SOX6: variants seen among roughly 807,000 people sequenced by gnomAD.
SOX6 encodes the protein transcription factor SOX-6.
In SOX6, 11 loss-of-function variants were observed where a neutral mutation model predicts 97.8. The ratio of observed to expected loss-of-function variants is 0.11; its 90% CI spans 0.07 to 0.19. The LOEUF (loss-of-function observed/expected upper bound fraction) is 0.19, where lower values mean the gene tolerates loss of function less well. Among genes scored for constraint, SOX6 ranks in the 10% least tolerant of loss-of-function variants. The pLI is 1.00. For synonymous variants in SOX6, 360 were observed against 371.4 expected, an observed-to-expected ratio of 0.97 and a Z score of 0.35; for missense variants, 810 against 1,039.5, an observed-to-expected ratio of 0.78 and a Z score of 3.04.
rs1849715639 is a variant in SOX6 at position 16,130,569 on chromosome 11, T to C, written c.778-18646A>G. 2.0e-5 allele frequency among the ~76,000 whole-genome samples: 3 copies of C among 151,940 alleles called. No homozygotes were observed. In the South Asian group the frequency reaches 6.2e-4, roughly 31 times the overall value. ...CTCAATAGTGTTAAGACAGCAAGTCTCCTCAAACTGATTTATAGATTCAAC... is the reference window on the plus strand; with the variant it reads ...CTCAATAGTGTTAAGACAGCAAGTCCCCTCAAACTGATTTATAGATTCAAC... On this transcript the variant is annotated intron_variant, in intron 6 of 15. Coordinates refer to ENST00000683767, the MANE Select transcript of SOX6 (RefSeq NM_001367873.1).
At chr11:16,152,341 A>G (rs943334435) in intron 6 of SOX6, among the ~76,000 whole-genome samples, 1 of 152,136 alleles carries the variant, frequency 6.6e-6, no homozygotes, top group Non-Finnish European at 1.5e-5. Context: ...CCACCCACAG[A>G]CAGCTCTGTT....
At position 16,732,738 on chromosome 11, in the gene SOX6, G is replaced by C. The variant is rs545743660; in HGVS notation, n.353+3601C>G. Among the ~76,000 whole-genome samples, 3 of 152,178 alleles carry C rather than the reference G, an allele frequency of 2.0e-5. No individual in the cohort carries two copies. The East Asian group carries it at 5.8e-4, about 29-fold the overall frequency. On this transcript the variant is annotated intron_variant and non_coding_transcript_variant, in intron 2 of 5. Transcript: ENST00000524520. ...CAACAAAAGCCAAAACTGACAAATA[G>C]GATCTAATTAAACTAAAGAGCTTCT...
chr11:16,393,780 G>A (rs1193555785), intron 1 of SOX6, among the ~76,000 whole-genome samples: 1 of 151,992 alleles, frequency 6.6e-6, no homozygotes, highest in Non-Finnish European at 1.5e-5. Flanking sequence ...CCATATGCTG[G>A]AAATTGTTAA....
intron 3 of SOX6, among the ~76,000 whole-genome samples, chr11:16,696,067 A>G (rs1848051443): frequency 6.6e-6 from 1 of 152,194 alleles, no homozygotes; most frequent in Non-Finnish European, 1.5e-5. Context: ...CTACAAAGCC[A>G]TTTAGTTGTA....
intron 4 of SOX6, among the ~76,000 whole-genome samples, chr11:16,571,924 A>G (rs1049428140): frequency 1.3e-5 from 2 of 152,228 alleles, no homozygotes; most frequent in African/African-American, 4.8e-5. Flanking sequence ...AAGTGCTGGG[A>G]TTACAGGCGT....
At chr11:16,035,054 C>T (rs371829888) in intron 12 of SOX6, among the ~76,000 whole-genome samples, 3 of 152,168 alleles carry the variant, frequency 2.0e-5, no homozygotes, top group Non-Finnish European at 4.4e-5. Flanking sequence ...GATTTATACC[C>T]ACAATGAGAA....
intron 4 of SOX6, among the ~76,000 whole-genome samples, chr11:16,191,756 C>T (rs1851636458): frequency 6.6e-6 from 1 of 152,154 alleles, no homozygotes; most frequent in South Asian, 2.1e-4. Context: ...GTCAGCATGC[C>T]TTTTATCCAA....
At chr11:16,496,090 T>C (rs1860590723) in intron 4 of SOX6, among the ~76,000 whole-genome samples, 1 of 152,168 alleles carries the variant, frequency 6.6e-6, no homozygotes. Flanking sequence ...AAGAGTCCTC[T>C]GCTATAAATG....
chr11:16,319,059 A>T (rs990928090), intron 2 of SOX6, among the ~76,000 whole-genome samples: 2 of 152,072 alleles, frequency 1.3e-5, no homozygotes, highest in Non-Finnish European at 2.9e-5. Context: ...TAGTATCAAC[A>T]CTCTTCCCAC....
At chr11:16,323,709 A>C (rs528614646) in intron 2 of SOX6, among the ~76,000 whole-genome samples, 1 of 152,154 alleles carries the variant, frequency 6.6e-6, no homozygotes, top group Non-Finnish European at 1.5e-5. Flanking sequence ...TTTAGCATTT[A>C]ATAATATACT....
intron 9 of SOX6, among the ~76,000 whole-genome samples, chr11:16,070,185 A>AATT (rs1287792636): frequency 6.6e-6 from 1 of 151,976 alleles, no homozygotes; most frequent in African/African-American, 2.4e-5. Flanking sequence ...AATAAAAATA[A>AATT]ATTGAAAGAA....
At chr11:16,182,026 A>C (rs1238096637) in intron 6 of SOX6, among the ~76,000 whole-genome samples, 2 of 151,792 alleles carry the variant, frequency 1.3e-5, no homozygotes, top group Non-Finnish European at 2.9e-5. Context: ...CATTCCAATG[A>C]ATATTTTAAG....
At chr11:16,501,622 C>G (rs961076933) in intron 4 of SOX6, among the ~76,000 whole-genome samples, 9 of 151,874 alleles carry the variant, frequency 5.9e-5, no homozygotes, top group African/African-American at 2.2e-4. Context: ...AAGAAAAAAA[C>G]AAACAACCCC....
chr11:16,189,592 T>C (rs564936056), intron 4 of SOX6, among the ~76,000 whole-genome samples: 24 of 152,244 alleles, frequency 1.6e-4, no homozygotes, highest in Non-Finnish European at 3.2e-4. Flanking sequence ...TTATAGACCA[T>C]GTGTGATGAT....
chr11:16,189,847 A>C (rs1851583746), intron 4 of SOX6, among the ~76,000 whole-genome samples: 2 of 152,150 alleles, frequency 1.3e-5, no homozygotes, highest in Admixed American at 6.6e-5. Flanking sequence ...CTGTACTATA[A>C]TTTTTTGTTA....
intron 6 of SOX6, among the ~76,000 whole-genome samples, chr11:16,130,116 C>T (rs59583634): frequency 0.11 from 16,058 of 151,182 alleles, 1,746 homozygotes; most frequent in East Asian, 0.37. Context: ...ACATAAAAGG[C>T]CAATAACAAA....
In SOX6 at chr11:16,356,268, T is replaced by G. The variant is rs1399589876; in HGVS notation, c.-179A>C. Reference sequence around the variant, plus strand: ...ACAGCTAATTAATCTCTGCCAAGTCTCAGGCTACCAATTGTAGCCATAACT... The same window carrying G: ...ACAGCTAATTAATCTCTGCCAAGTCGCAGGCTACCAATTGTAGCCATAACT... On this transcript the variant is annotated 5_prime_UTR_variant, in exon 1 of 16. Coordinates refer to ENST00000683767, the MANE Select transcript of SOX6 (RefSeq NM_001367873.1). Among the ~76,000 whole-genome samples, 4 of 150,336 alleles carry G rather than the reference T, an allele frequency of 2.7e-5. No individual in the cohort carries two copies.
intron 3 of SOX6, among the ~76,000 whole-genome samples, chr11:16,625,844 A>G (rs2133992094): frequency 6.6e-6 from 1 of 152,264 alleles, no homozygotes; most frequent in Non-Finnish European, 1.5e-5. Context: ...CCATCTGGCT[A>G]TTTCTAAGTT....
chr11:16,439,069 T>C (rs1290709974), intron 1 of SOX6, among the ~76,000 whole-genome samples: 1 of 152,188 alleles, frequency 6.6e-6, no homozygotes, highest in East Asian at 1.9e-4. Flanking sequence ...CTCTTCATAA[T>C]CTAAATTTCG....
Sources: allele counts gnomAD v4.1 joint callset (sites outside exome capture counted in the v4.1 genomes callset), GRCh38; gene constraint gnomAD v4.1.1; transcripts MANE v1.5; gene names NCBI Gene and HGNC (gene_info 2026-07-23, HGNC 2026-07-21).